The following CLNK variants were observed in gnomAD, a reference collection of about 807,000 sequenced individuals.
CLNK encodes cytokine-dependent hematopoietic cell linker.
In CLNK, 74 loss-of-function variants were observed where a neutral mutation model predicts 68.6. The observed-to-expected ratio is 1.08, with a 90% CI of 0.89 to 1.31. The LOEUF (loss-of-function observed/expected upper bound fraction) is 1.31. Among genes scored for constraint, CLNK ranks in the 50% most tolerant of loss-of-function variants. The pLI is 0.00. For synonymous variants in CLNK, 198 were observed against 172.2 expected, an observed-to-expected ratio of 1.15 and a Z score of -1.17; for missense variants, 553 against 515.3, an observed-to-expected ratio of 1.07 and a Z score of -0.71.
chr4:10,624,522 G>A (rs1013451429), intron 2 of CLNK, among the ~76,000 whole-genome samples: 1 of 151,280 alleles, frequency 6.6e-6, no homozygotes, highest in African/African-American at 2.4e-5. Context: ...TCGATCTCCT[G>A]ACCTCGTGAT....
chr4:10,541,224 A>C (rs1181451595), intron 10 of CLNK, among the ~76,000 whole-genome samples: 3 of 136,544 alleles, frequency 2.2e-5, no homozygotes, highest in Non-Finnish European at 4.5e-5. Context: ...AAAAAAAACA[A>C]AAAAAAAAAA....
the CLNK span, among the ~76,000 whole-genome samples, chr4:10,694,931 A>G: frequency 9.2e-5 from 14 of 152,276 alleles, no homozygotes; most frequent in East Asian, 2.7e-3. Context: ...TTATCTGTTG[A>G]TGGGCAGTCA....
intron 2 of CLNK, among the ~76,000 whole-genome samples, chr4:10,642,824 C>A (rs1723362607): frequency 6.6e-6 from 1 of 152,160 alleles, no homozygotes; most frequent in Non-Finnish European, 1.5e-5. Flanking sequence ...CCTAGAATTC[C>A]TTTAGAGCTT....
chr4:10,620,855 C>A lies in CLNK; in HGVS notation c.12-22806G>T, dbSNP rs150713345. 1.0e-3 allele frequency among the ~76,000 whole-genome samples: 159 copies of A among 151,854 alleles called. 7 individuals carry two copies. The East Asian group carries it at 0.029, about 28-fold the overall frequency. On this transcript the variant is annotated intron_variant, in intron 2 of 18. Coordinates refer to ENST00000226951, the MANE Select transcript of CLNK (RefSeq NM_052964.4). ...CGGTGGCTCACACCTGTAATCCCAG[C>A]ACTTTGGGAGGCTGAGGCAGGCAGA...
chr4:10,510,010 C>G (rs763979542), intron 16 of CLNK, among the ~76,000 whole-genome samples: 1 of 152,226 alleles, frequency 6.6e-6, no homozygotes, highest in Non-Finnish European at 1.5e-5. Context: ...AGGTGGTCTA[C>G]TGCTTCCAGG....
intron 8 of CLNK, among the ~76,000 whole-genome samples, chr4:10,552,819 T>C (rs1719513705): frequency 6.6e-6 from 1 of 152,194 alleles, no homozygotes; most frequent in African/African-American, 2.4e-5. Context: ...CTTTATGCAG[T>C]GGGCAGGAAG....
chr4:10,618,865 C>T (rs1037417534), intron 2 of CLNK, among the ~76,000 whole-genome samples: 1 of 152,158 alleles, frequency 6.6e-6, no homozygotes, highest in Admixed American at 6.6e-5. Flanking sequence ...GGACTCTGGC[C>T]GCTGGATCCA....
intron 8 of CLNK, among the ~76,000 whole-genome samples, chr4:10,550,502 A>G (rs1285341732): frequency 1.3e-5 from 2 of 152,126 alleles, no homozygotes; most frequent in Non-Finnish European, 2.9e-5. Context: ...CTCAAAAAAA[A>G]TAAATAAATA....
chr4:10,577,166 G>T (rs1233359346), intron 4 of CLNK, among the ~76,000 whole-genome samples: 1 of 152,206 alleles, frequency 6.6e-6, no homozygotes, highest in Non-Finnish European at 1.5e-5. Context: ...TTAGCAGGTT[G>T]CTTAGACATT....
At chr4:10,693,870 T>C in the CLNK span, among the ~76,000 whole-genome samples, 3 of 152,196 alleles carry the variant, frequency 2.0e-5, no homozygotes, top group African/African-American at 7.2e-5. Context: ...ATATGGACCA[T>C]AACCATGTGT....
At chr4:10,658,659 C>T (rs1724073998) in intron 2 of CLNK, among the ~76,000 whole-genome samples, 1 of 152,118 alleles carries the variant, frequency 6.6e-6, no homozygotes, top group African/African-American at 2.4e-5. Context: ...GTAGAGCGGC[C>T]ATAGCATATG....
the CLNK span, among the ~76,000 whole-genome samples, chr4:10,699,603 C>G: frequency 1.4e-5 from 2 of 146,018 alleles, no homozygotes; most frequent in African/African-American, 5.2e-5. Flanking sequence ...ACTTCCACCT[C>G]CCAGGTTCAA....
At chr4:10,702,489 T>C in the CLNK span, among the ~76,000 whole-genome samples, 2 of 152,160 alleles carry the variant, frequency 1.3e-5, no homozygotes, top group Non-Finnish European at 2.9e-5. Flanking sequence ...GAATGATGCA[T>C]GCACATCACA....
intron 2 of CLNK, among the ~76,000 whole-genome samples, chr4:10,660,612 A>G (rs1724158862): frequency 6.6e-6 from 1 of 152,212 alleles, no homozygotes; most frequent in Non-Finnish European, 1.5e-5. Flanking sequence ...GAAAACTCTA[A>G]CCTTGTGGAC....
upstream of CLNK, among the ~76,000 whole-genome samples, chr4:10,685,316 TA>T (rs1378067491): frequency 1.3e-5 from 2 of 152,152 alleles, no homozygotes; most frequent in East Asian, 3.8e-4. Flanking sequence ...GAAACTTTTT[TA>T]AAAAATGAGG....
At chr4:10,575,449 G>T (rs776149458) in intron 4 of CLNK, among the ~76,000 whole-genome samples, 1 of 152,228 alleles carries the variant, frequency 6.6e-6, no homozygotes, top group Non-Finnish European at 1.5e-5. Context: ...CTGACTACCG[G>T]TGTCAAGCAA....
intron 1 of CLNK, among the ~76,000 whole-genome samples, chr4:10,670,355 A>C (rs1371818839): frequency 6.6e-6 from 1 of 152,268 alleles, no homozygotes; most frequent in Non-Finnish European, 1.5e-5. Context: ...TCTACCACTT[A>C]ATGATAGCTG....
At chr4:10,558,955 T>C (rs773710221) in intron 7 of CLNK, among the ~76,000 whole-genome samples, 15 of 152,168 alleles carry the variant, frequency 9.9e-5, no homozygotes, top group Non-Finnish European at 2.2e-4. Context: ...AGGCTTAGTT[T>C]CCTTATCTGT....
rs141717598 is a variant in CLNK, at chr4:10,586,914, T to C, written c.84-1959A>G. 2.8e-4 allele frequency among the ~76,000 whole-genome samples: 43 copies of C among 152,262 alleles called. No homozygotes were observed. The East Asian group carries it at 7.5e-3, about 27-fold the overall frequency. ...TTCCCAAAAGGTTTTGGGCCATTTA[T>C]GTGTCTTCTTTCGTAAGTTATCTGT... On this transcript the variant is annotated intron_variant, in intron 3 of 18. Transcript: ENST00000226951.
Sources: allele counts gnomAD v4.1 joint callset (sites outside exome capture counted in the v4.1 genomes callset), GRCh38; gene constraint gnomAD v4.1.1; transcripts MANE v1.5; gene names NCBI Gene and HGNC (gene_info 2026-07-23, HGNC 2026-07-21).